Variants in IQCH observed in about 807,000 individuals in gnomAD.
IQCH encodes the protein IQ motif containing H.
A neutral mutation model predicts 117.0 loss-of-function variants in IQCH; 98 were observed. The ratio of observed to expected loss-of-function variants is 0.84; its 90% confidence interval spans 0.71 to 0.99. The LOEUF is 0.99. Among genes scored for constraint, IQCH ranks in the 50% least tolerant of loss-of-function variants. The pLI is 0.00. For missense variants in IQCH, 1,102 were observed against 1,243.8 expected, an observed-to-expected ratio of 0.89 and a Z score of 1.72; for synonymous variants, 412 against 448.2, an observed-to-expected ratio of 0.92 and a Z score of 1.02.
chr15:67,397,443 C>G (rs1030263712), intron 13 of IQCH, among the ~76,000 whole-genome samples: 3 of 152,214 alleles, frequency 2.0e-5, no homozygotes, highest in Non-Finnish European at 2.9e-5. Flanking sequence ...ACCAATATTT[C>G]ACTGAGTTCT....
chr15:67,428,902 A>AT (rs1263819997), intron 16 of IQCH, among the ~76,000 whole-genome samples: 3 of 151,334 alleles, frequency 2.0e-5, no homozygotes, highest in African/African-American at 7.3e-5. Flanking sequence ...AAAGAGAAGG[A>AT]TTTGAAGATG....
At chr15:67,272,506 T>G (rs1965939700) in intron 3 of IQCH, among the ~76,000 whole-genome samples, 1 of 152,232 alleles carries the variant, frequency 6.6e-6, no homozygotes, top group Admixed American at 6.5e-5. Flanking sequence ...GATCTGTCCC[T>G]TACTGAAAGT....
rs1384226124 is a variant in IQCH, at chr15:67,453,209, CCTT to C, written c.2506-11912_2506-11910del. Among the ~76,000 whole-genome samples the C allele has an allele frequency of 6.6e-6, 1 of 152,106 alleles. No individual in the cohort carries two copies. Among genetic ancestry groups the C allele is most frequent in the Non-Finnish European group, 1.5e-5 (1 of 68,024 alleles). On this transcript the variant is annotated intron_variant, in intron 16 of 20. Coordinates refer to ENST00000335894, the MANE Select transcript of IQCH (RefSeq NM_001031715.3). This position sits in a 1 kb window ranked among gnomAD's most constrained non-coding sequence, Gnocchi z 5.8. ...CTCAGAGTAGTTTGATCATCTGAAG[CCTT>C]CTTCTCTCAACTCGTCAAAGTCATT... is the stretch of plus-strand genomic sequence containing the variant.
chr15:67,487,711 A>G (rs1437477106), intron 18 of IQCH, among the ~76,000 whole-genome samples: 1 of 152,154 alleles, frequency 6.6e-6, no homozygotes, highest in East Asian at 1.9e-4. Flanking sequence ...CAGCGTTGGC[A>G]GCCACTGTTT....
At chr15:67,378,243 G>T (rs929724275) in intron 10 of IQCH, among the ~76,000 whole-genome samples, 1 of 151,706 alleles carries the variant, frequency 6.6e-6, no homozygotes, top group Non-Finnish European at 1.5e-5. Context: ...ACGCACACTG[G>T]CACCTTTCTG....
intron 3 of IQCH, 144 bp from the exon 4 acceptor site, chr15:67,279,251 A>C (rs1966250993): frequency 1.8e-6 from 1 of 566,174 alleles, no homozygotes; most frequent in African/African-American, 1.9e-5. Context: ...AAAAATAATA[A>C]AGATTGGTTT....
rs2081786005 is a variant in IQCH at position 67,422,924 on chromosome 15, T to C, written c.2505+1347T>C. ...TTCCTCTCTCGATATCGCGATATCCTCTGGTCATCCGCATTGTACATATAC... is the reference window on the plus strand; with the variant it reads ...TTCCTCTCTCGATATCGCGATATCCCCTGGTCATCCGCATTGTACATATAC... On this transcript the variant is annotated intron_variant, in intron 16 of 20. Coordinates refer to ENST00000335894, the MANE Select transcript of IQCH (RefSeq NM_001031715.3). This position sits in a 1 kb window ranked among gnomAD's most constrained non-coding sequence, Gnocchi z 4.7. Among the ~76,000 whole-genome samples the C allele has an allele frequency of 6.6e-6, 1 of 152,246 alleles. No individual in the cohort carries two copies. Among genetic ancestry groups the C allele is most frequent in the African/African-American group, 2.4e-5 (1 of 41,462 alleles).
At chr15:67,306,689 C>T in intron 4 of IQCH, 1 of 698,044 alleles carries the variant, frequency 1.4e-6, no homozygotes, top group Non-Finnish European at 2.5e-6. Flanking sequence ...AAACTATCTT[C>T]AGAATTTTAT....
chr15:67,380,805 A>C (rs537311322), intron 10 of IQCH, among the ~76,000 whole-genome samples: 1 of 152,218 alleles, frequency 6.6e-6, no homozygotes, highest in African/African-American at 2.4e-5. Context: ...ATCACTGATC[A>C]TGAGTTTCAA....
intron 15 of IQCH, among the ~76,000 whole-genome samples, chr15:67,419,698 C>T (rs934228468): frequency 5.9e-5 from 9 of 152,092 alleles, no homozygotes; most frequent in Non-Finnish European, 1.0e-4. Flanking sequence ...GTACTACAGG[C>T]GCACACCCCC....
intron 16 of IQCH, among the ~76,000 whole-genome samples, chr15:67,429,422 G>A (rs1449636540): frequency 6.6e-6 from 1 of 152,172 alleles, no homozygotes; most frequent in Non-Finnish European, 1.5e-5. Flanking sequence ...GGAGACTGAG[G>A]TAGGAGGATA....
chr15:67,348,957 T>G (rs1969530166), intron 6 of IQCH, among the ~76,000 whole-genome samples: 2 of 152,308 alleles, frequency 1.3e-5, no homozygotes, highest in Non-Finnish European at 2.9e-5. Context: ...GAACCACACA[T>G]ACTTGGTCAA....
chr15:67,265,709 C>T (rs1965642589), intron 3 of IQCH, among the ~76,000 whole-genome samples: 1 of 152,128 alleles, frequency 6.6e-6, no homozygotes, highest in South Asian at 2.1e-4. Context: ...TGGCCCGTGA[C>T]TGACATTTTC....
rs560439271 is a variant in IQCH, at chr15:67,491,395, G to A, written c.2861+1331G>A. Among the ~76,000 whole-genome samples, 4 of 152,040 alleles carry A rather than the reference G, an allele frequency of 2.6e-5. No individual in the cohort carries two copies. Among genetic ancestry groups the A allele is most frequent in the Non-Finnish European group, 5.9e-5 (4 of 68,006 alleles). ...CCCTCATCGATCCTTTTGAACTTAG[G>A]CAAATGTTCTGGTTTCTTCTCCCTT... is the stretch of plus-strand genomic sequence containing the variant. On this transcript the variant is annotated intron_variant, in intron 19 of 20. Coordinates refer to ENST00000335894, the MANE Select transcript of IQCH (RefSeq NM_001031715.3). The surrounding 1 kb of genome is among the most constrained non-coding windows in gnomAD (Gnocchi z 4.9).
In IQCH at chr15:67,445,708, A is replaced by G. The variant is rs987170910; in HGVS notation, c.2506-19419A>G. 6.6e-6 allele frequency among the ~76,000 whole-genome samples: 1 copy of G among 152,208 alleles called. No homozygotes were observed. Among genetic ancestry groups the G allele is most frequent in the African/African-American group, 2.4e-5 (1 of 41,452 alleles). On this transcript the variant is annotated intron_variant, in intron 16 of 20. Coordinates refer to ENST00000335894, the MANE Select transcript of IQCH (RefSeq NM_001031715.3). This position sits in a 1 kb window ranked among gnomAD's most constrained non-coding sequence, Gnocchi z 4.3. ...TGCCGTGGCCTCCCAAAGTGCTGGGATAACAGGCGTGAGCCACCGCACCTG... is the reference window on the plus strand; with the variant it reads ...TGCCGTGGCCTCCCAAAGTGCTGGGGTAACAGGCGTGAGCCACCGCACCTG...
chr15:67,351,469 C>T (rs1051978744), intron 6 of IQCH, among the ~76,000 whole-genome samples: 8 of 152,132 alleles, frequency 5.3e-5, no homozygotes, highest in African/African-American at 1.7e-4. Flanking sequence ...ACAGTGCTGC[C>T]GTGCATTCCT....
intron 4 of IQCH, chr15:67,306,766 T>G (rs1265018613): frequency 1.0e-5 from 12 of 1,184,026 alleles, no homozygotes; most frequent in Non-Finnish European, 1.5e-5. Context: ...TCACTGGTGA[T>G]TTTTTCAATA....
intron 4 of IQCH, among the ~76,000 whole-genome samples, chr15:67,333,617 T>G (rs1425178548): frequency 6.6e-6 from 1 of 152,164 alleles, no homozygotes; most frequent in African/African-American, 2.4e-5. Flanking sequence ...GCATACATCA[T>G]TTTTACCAAA....
rs77829182 is a variant in IQCH at position 67,417,967 on chromosome 15, G to A, written c.2218+916G>A. ...ATAGCACAGTGATGATAATAATAGTGAGCTTAGATAGTGCTTATTATGGGC... is the reference window on the plus strand; with the variant it reads ...ATAGCACAGTGATGATAATAATAGTAAGCTTAGATAGTGCTTATTATGGGC... On this transcript the variant is annotated intron_variant, in intron 15 of 20. Transcript: ENST00000335894. This position sits in a 1 kb window ranked among gnomAD's most constrained non-coding sequence, Gnocchi z 4.3. 5.4e-3 allele frequency among the ~76,000 whole-genome samples: 823 copies of A among 152,306 alleles called. 6 individuals carry two copies. The highest frequency in any genetic ancestry group is 0.019 in the African/African-American group (792 of 41,566).
Sources: allele counts gnomAD v4.1 joint callset (sites outside exome capture counted in the v4.1 genomes callset), GRCh38; gene constraint gnomAD v4.1.1; non-coding constraint Gnocchi (gnomAD v3.1); transcripts MANE v1.5; gene names NCBI Gene and HGNC (gene_info 2026-07-23, HGNC 2026-07-21).